The following CHGB variants were observed in gnomAD, a reference collection of about 807,000 sequenced individuals.
CHGB encodes the protein chromogranin B.
In CHGB, 46 loss-of-function variants were observed where a neutral mutation model predicts 69.9. The observed-to-expected ratio is 0.66, with a 90% CI of 0.52 to 0.84. CHGB has a LOEUF of 0.84. Ranked by LOEUF, CHGB falls within the 40% of genes least tolerant of loss-of-function variation. CHGB has a pLI of 0.00. For missense variants in CHGB, 796 were observed against 822.2 expected (o/e 0.97, Z 0.39); for synonymous variants, 312 against 298.2 (o/e 1.05, Z -0.48).
At position 5,911,661 on chromosome 20, in the gene CHGB, C is replaced by T. The variant is rs1191270334; in HGVS notation, c.28C>T (p.Leu10=). Residue 10 remains leucine (L), a synonymous_variant, in exon 1 of 5, where the codon CTG becomes TTG. Transcript: ENST00000378961. ...GCAGCCAACGCTGCTTCTCAGCCTC[C>T]TGGGAGCCGTGGGGCTGGCGGGTGA... MQPTLLLSL[L]GAVGLAAVNS... is the part of the protein sequence containing the mutation. The T allele has an allele frequency of 3.3e-6, 5 of 1,497,560 alleles. No homozygotes were observed. Among genetic ancestry groups the T allele is most frequent in the Non-Finnish European group, 3.5e-6 (4 of 1,128,026 alleles). The allele number at this position is 1,497,560 out of a possible 1,614,324, so 92.8% of individuals were successfully genotyped here.
In CHGB at chr20:5,922,506, A is replaced by T; in HGVS notation, c.362A>T (p.Glu121Val). 1 of 1,613,278 alleles carries T rather than the reference A, an allele frequency of 6.2e-7. No individual in the cohort carries two copies. The highest frequency in any genetic ancestry group is 8.5e-7 in the Non-Finnish European group (1 of 1,179,474). ...CAAGGCCCAACAAAGGCAGACACAG[A>T]GAAATGGGCAGAGGGAGGCGGGCAC... ...DIQGPTKADT[E>V]KWAEGGGHSR... Residue 121 changes from glutamate (E) to valine (V), a missense_variant, in exon 4 of 5, where the codon GAG becomes GTG. Coordinates refer to ENST00000378961, the MANE Select transcript of CHGB (RefSeq NM_001819.3).
chr20:5,924,899 C>A, intron 4 of CHGB, 73 bp from the exon 5 acceptor site: 1 of 877,724 alleles, frequency 1.1e-6, no homozygotes. Context: ...CCCCTTTGCA[C>A]TCATGCTCCA....
chr20:5,917,126 A>C, intron 3 of CHGB: 1 of 590,024 alleles, frequency 1.7e-6, no homozygotes, highest in South Asian at 2.0e-5. Flanking sequence ...GACTATAGGA[A>C]AGACAGTTTG....
chr20:5,925,332 AAAT>A lies in CHGB; in HGVS notation c.*289_*291del, dbSNP rs1458413783. 4.8e-6 allele frequency: 1 copy of A among 206,356 alleles called. No individual in the cohort carries two copies. The highest frequency in any genetic ancestry group is 9.7e-6 in the Non-Finnish European group (1 of 103,210). The allele number at this position is 206,356 out of a possible 1,614,324, so 12.8% of individuals were successfully genotyped here. On this transcript the variant is annotated 3_prime_UTR_variant, in exon 5 of 5. Transcript: ENST00000378961. ...TTGGAAAAATGTTTGTCTCAGTTGGAAATAATAAAAGATTCACCTGAGACCAAA... is the reference window on the plus strand; with the variant it reads ...TTGGAAAAATGTTTGTCTCAGTTGGAAATAAAAGATTCACCTGAGACCAAA...
chr20:5,916,790 C>T (rs528280227), intron 2 of CHGB, 36 bp from the exon 3 acceptor site: 7 of 1,596,834 alleles, frequency 4.4e-6, no homozygotes, highest in Non-Finnish European at 5.2e-6. Context: ...TCCAGTGATA[C>T]CAGCTTCTCC....
chr20:5,923,919 TC>T lies in CHGB; in HGVS notation c.1779del (p.Lys594SerfsTer4). ...WGYEKRNLAR[V>X]PKLDLKRQYD... ...TATGAGAAGAGAAACCTCGCCAGGG[TC>T]CCCAAGCTGGACCTGAAAAGGCAAT... On this transcript the variant is annotated frameshift_variant, in exon 4 of 5. Coordinates refer to ENST00000378961, the MANE Select transcript of CHGB (RefSeq NM_001819.3). LOFTEE classifies it high-confidence loss of function. The T allele has an allele frequency of 6.2e-7, 1 of 1,613,920 alleles. No individual in the cohort carries two copies. The highest frequency in any genetic ancestry group is 8.5e-7 in the Non-Finnish European group (1 of 1,179,978).
chr20:5,911,770 C>T (rs916126553), intron 1 of CHGB, 88 bp downstream of exon 1: 3 of 1,233,780 alleles, frequency 2.4e-6, no homozygotes, highest in Admixed American at 7.8e-5. Context: ...TGGCGGATCC[C>T]GGGAGAGAGG....
Position 5,924,114 on chromosome 20 carries a change from C to A in CHGB, c.1956+14C>A. ...ACAGAGGACGAGGTATGGTCTAGGG[C>A]TTCTGTTTAAAAGTACTTACTCTGG... On this transcript the variant is annotated intron_variant, in intron 4 of 4. Transcript: ENST00000378961. The A allele has an allele frequency of 6.3e-7, 1 of 1,576,160 alleles. No homozygotes were observed. Among genetic ancestry groups the A allele is most frequent in the Non-Finnish European group, 8.6e-7 (1 of 1,162,202 alleles).
chr20:5,911,662 T>G lies in CHGB; in HGVS notation c.29T>G (p.Leu10Arg). The change falls in exon 1 of 5, where the codon CTG (leucine) becomes CGG (arginine). Residue 10 changes from leucine to arginine, a missense_variant. Transcript: ENST00000378961. The stretch of plus-strand genomic sequence containing the variant: ...CAGCCAACGCTGCTTCTCAGCCTCC[T>G]GGGAGCCGTGGGGCTGGCGGGTGAG... MQPTLLLSLLGAVGLAAVNS... is the reference protein window; with the variant it reads MQPTLLLSLRGAVGLAAVNS... The G allele has an allele frequency of 6.7e-7, 1 of 1,494,788 alleles. No individual in the cohort carries two copies. Among genetic ancestry groups the G allele is most frequent in the Non-Finnish European group, 8.9e-7 (1 of 1,126,806 alleles). The allele number at this position is 1,494,788 out of a possible 1,614,324, so 92.6% of individuals were successfully genotyped here.
rs376839890 is a variant in CHGB at position 5,922,727 on chromosome 20, C to G, written c.583C>G (p.Gln195Glu). 3.0e-5 allele frequency: 49 copies of G among 1,614,078 alleles called. No individual in the cohort carries two copies. The highest frequency in any genetic ancestry group is 1.6e-4 in the Middle Eastern group (1 of 6,062). The change falls in exon 4 of 5, where the codon CAA becomes GAA. Residue 195 changes from glutamine (Q) to glutamate (E), a missense_variant. Gln to Glu is a conservative substitution (Grantham distance 29). This residue lies in a region of CHGB where 518 missense variants were observed against 506.3 expected (regional missense o/e 1.02). Transcript: ENST00000378961. ...ACACCTTGAAGAGCCAGGAGAGACA[C>G]AAAACGCTTTTCTCAATGAAAGAAA... ...EKHLEEPGET[Q>E]NAFLNERKQA...
chr20:5,923,340 A>G lies in CHGB; in HGVS notation c.1196A>G (p.His399Arg), dbSNP rs2088528707. 1 of 1,613,806 alleles carries G rather than the reference A, an allele frequency of 6.2e-7. No homozygotes were observed. Among genetic ancestry groups the G allele is most frequent in the Non-Finnish European group, 8.5e-7 (1 of 1,180,024 alleles). Residue 399 changes from histidine to arginine, a missense_variant, in exon 4 of 5, where the codon CAT becomes CGT. This residue lies in a region of CHGB where 518 missense variants were observed against 506.3 expected (regional missense o/e 1.02). Transcript: ENST00000378961. ...YPSLELDKMAHGYGEESEEER... is the reference protein window; with the variant it reads ...YPSLELDKMARGYGEESEEER... ...AGCTTAGAGCTTGATAAGATGGCACATGGATATGGTGAAGAAAGTGAGGAA... is the reference window on the plus strand; with the variant it reads ...AGCTTAGAGCTTGATAAGATGGCACGTGGATATGGTGAAGAAAGTGAGGAA...
At chr20:5,917,934 AGACCAGCCT>A (rs1042316713) in intron 3 of CHGB, 8 of 149,096 alleles carry the variant, frequency 5.4e-5, no homozygotes, top group Non-Finnish European at 1.2e-4. Context: ...CAGCAGTTTG[AGACCAGCCT>A]GGCCAACATG....
At chr20:5,920,055 G>A (rs1210316469) in intron 3 of CHGB, among the ~76,000 whole-genome samples, 1 of 152,172 alleles carries the variant, frequency 6.6e-6, no homozygotes, top group African/African-American at 2.4e-5. Flanking sequence ...AAGTAAGTGT[G>A]AGCTTCACAG....
In CHGB at chr20:5,923,364, A is replaced by T; in HGVS notation, c.1220A>T (p.Glu407Val). The T allele has an allele frequency of 6.2e-7, 1 of 1,613,834 alleles. No individual in the cohort carries two copies. The highest frequency in any genetic ancestry group is 8.5e-7 in the Non-Finnish European group (1 of 1,180,008). Residue 407 changes from glutamate to valine, a missense_variant, in exon 4 of 5, where the codon GAA becomes GTA. By Grantham distance (121) the Glu-to-Val change is moderately radical. Transcript: ENST00000378961. Reference sequence around the variant, plus strand: ...CATGGATATGGTGAAGAAAGTGAGGAAGAGAGGGGCCTTGAGCCGGGAAAG... The same window carrying T: ...CATGGATATGGTGAAGAAAGTGAGGTAGAGAGGGGCCTTGAGCCGGGAAAG... ...MAHGYGEESE[E>V]ERGLEPGKGR...
Position 5,916,354 on chromosome 20 carries a change from G to C in CHGB, c.78G>C (p.Arg26Ser). ...AAVNSMPVDNRNHNEGMVTRC... is the reference protein window; with the variant it reads ...AAVNSMPVDNSNHNEGMVTRC... ...TCAATTCCATGCCAGTGGATAACAGGAACCACAATGAAGGAATGGTAAGTT... is the reference window on the plus strand; with the variant it reads ...TCAATTCCATGCCAGTGGATAACAGCAACCACAATGAAGGAATGGTAAGTT... The change falls in exon 2 of 5, where the codon AGG (arginine) becomes AGC (serine). Residue 26 changes from arginine to serine, a missense_variant. Physicochemically the swap from Arg to Ser is moderately radical, Grantham distance 110 (BLOSUM62 -1). Around this residue, in one of 3 missense-constraint regions of CHGB, gnomAD observed 518 missense variants for 506.3 expected, o/e 1.02. Transcript: ENST00000378961. The C allele has an allele frequency of 6.2e-7, 1 of 1,613,324 alleles. No individual in the cohort carries two copies. Among genetic ancestry groups the C allele is most frequent in the Non-Finnish European group, 8.5e-7 (1 of 1,179,462 alleles).
rs1266335048 is a variant in CHGB at position 5,925,315 on chromosome 20, ATGTT to A, written c.*270_*273del. 4 of 222,546 alleles carry A rather than the reference ATGTT, an allele frequency of 1.8e-5. No homozygotes were observed. Among genetic ancestry groups the A allele is most frequent in the Non-Finnish European group, 1.8e-5 (2 of 113,524 alleles). The allele number at this position is 222,546 out of a possible 1,614,324, so 13.8% of individuals were successfully genotyped here. On this transcript the variant is annotated 3_prime_UTR_variant, in exon 5 of 5. Coordinates refer to ENST00000378961, the MANE Select transcript of CHGB (RefSeq NM_001819.3). ...TGACTGTGCTACTGTCTTTGGAAAAATGTTTGTCTCAGTTGGAAATAATAAAAGA... is the reference window on the plus strand; with the variant it reads ...TGACTGTGCTACTGTCTTTGGAAAAATGTCTCAGTTGGAAATAATAAAAGA...
Position 5,923,707 on chromosome 20 carries a change from G to A in CHGB, c.1563G>A (p.Leu521=). ...AAAAGAGGAAGAGATTAGGGGAACT[G>A]TTCAACCCATACTACGACCCTCTCC... ...TAEKRKRLGE[L]FNPYYDPLQW... The change falls in exon 4 of 5, where the codon CTG becomes CTA. Residue 521 remains leucine, a synonymous_variant. Transcript: ENST00000378961. 6.2e-7 allele frequency: 1 copy of A among 1,614,096 alleles called. No homozygotes were observed. Among genetic ancestry groups the A allele is most frequent in the Non-Finnish European group, 8.5e-7 (1 of 1,180,024 alleles).
Position 5,923,328 on chromosome 20 carries a change from A to G in CHGB, c.1184A>G (p.Asp395Gly), listed in dbSNP as rs768902329. ...AGAAACTACCCCAGCTTAGAGCTTG[A>G]TAAGATGGCACATGGATATGGTGAA... ...DKRNYPSLEL[D>G]KMAHGYGEES... The change falls in exon 4 of 5, where the codon GAT (aspartate) becomes GGT (glycine). Residue 395 changes from aspartate to glycine, a missense_variant. Asp to Gly is a moderately conservative substitution (Grantham distance 94, BLOSUM62 -1). This residue lies in a region of CHGB where 518 missense variants were observed against 506.3 expected (regional missense o/e 1.02). Transcript: ENST00000378961. 4.2e-5 allele frequency: 67 copies of G among 1,613,656 alleles called. 1 individual carries two copies. The African/African-American group carries it at 8.5e-4, about 21-fold the overall frequency.
chr20:5,918,388 A>G (rs962325390), intron 3 of CHGB, among the ~76,000 whole-genome samples: 12 of 152,010 alleles, frequency 7.9e-5, no homozygotes, highest in Non-Finnish European at 1.8e-4. Context: ...GTGAGGCTCC[A>G]TCAAAAACAA....
Sources: gnomAD v4.1 joint callset for allele counts (sites outside exome capture counted in the v4.1 genomes callset) on GRCh38, gnomAD v4.1.1 for gene constraint, gnomAD v4.1.1 regional missense constraint, MANE v1.5 for transcripts, NCBI Gene and HGNC (gene_info 2026-07-23, HGNC 2026-07-21) for gene names.